BCL11A: variants seen among roughly 807,000 people sequenced by gnomAD.
BCL11A encodes the protein B cell CLL/lymphoma 11A.
A neutral mutation model predicts 55.9 loss-of-function variants in BCL11A; 2 were observed. The observed-to-expected ratio is 0.04, with a 90% CI of 0.01 to 0.11. The LOEUF is 0.11. BCL11A is among the 10% of genes least tolerant of loss of function. The probability of loss-of-function intolerance (pLI) is 1.00; values close to 1 mark genes in which losing one functional copy is unlikely to be tolerated. For missense variants in BCL11A, 817 were observed against 1,137.1 expected, an observed-to-expected ratio of 0.72 and a Z score of 4.05; for synonymous variants, 465 against 473.4, an observed-to-expected ratio of 0.98 and a Z score of 0.23.
intron 2 of BCL11A, among the ~76,000 whole-genome samples, chr2:60,480,745 C>T (rs781597340): frequency 9.9e-5 from 15 of 152,132 alleles, no homozygotes; most frequent in Non-Finnish European, 2.1e-4. Context: ...TGTCAAATTT[C>T]CTTAAGTCTT....
At chr2:60,478,451 C>T (rs772237995) in intron 2 of BCL11A, among the ~76,000 whole-genome samples, 3 of 152,218 alleles carry the variant, frequency 2.0e-5, no homozygotes, top group Non-Finnish European at 4.4e-5. Context: ...TCCTCACTTG[C>T]CTTTCTGGCA....
rs1026899119 is a variant in BCL11A at position 60,459,934 on chromosome 2, T to TTCTCTC, written c.*464_*469dup. 1 of 1,044,014 alleles carries TTCTCTC rather than the reference T, an allele frequency of 9.6e-7. No individual in the cohort carries two copies. Among genetic ancestry groups the TTCTCTC allele is most frequent in the Admixed American group, 5.4e-5 (1 of 18,590 alleles). 64.7% of individuals were successfully genotyped at this position (1,044,014 alleles called of 1,614,324 possible). On this transcript the variant is annotated 3_prime_UTR_variant, in exon 4 of 4. Transcript: ENST00000642384. Reference sequence around the variant, plus strand: ...ACAGAATGTATGCAGCATGGTCTTTTTCTCTCTCTCTCTCTTTTTCTCTCA... The same window carrying TTCTCTC: ...ACAGAATGTATGCAGCATGGTCTTTTTCTCTCTCTCTCTCTCTCTCTTTTTCTCTCA...
At chr2:60,467,111 GTGGTGGTGGTGGTGGTGA>G (rs1265947762) in intron 3 of BCL11A, among the ~76,000 whole-genome samples, 339 of 136,290 alleles carry the variant, frequency 2.5e-3, no homozygotes, top group African/African-American at 6.7e-3. Context: ...GGTGGTGGTA[GTGGTGGTGGTGGTGGTGA>G]TGGTGGTGTT....
intron 2 of BCL11A, among the ~76,000 whole-genome samples, chr2:60,523,284 G>A (rs1190744063): frequency 6.6e-6 from 1 of 152,136 alleles, no homozygotes; most frequent in Non-Finnish European, 1.5e-5. Context: ...TGCCATCCAG[G>A]ATTCCTGCTT....
At chr2:60,525,765 C>T (rs1573058492) in intron 2 of BCL11A, 1 of 152,352 alleles carries the variant, frequency 6.6e-6, no homozygotes, top group Middle Eastern at 3.4e-3. Flanking sequence ...AGATCAGTGT[C>T]TCTCTGTTAA....
intron 2 of BCL11A, among the ~76,000 whole-genome samples, chr2:60,473,220 T>C (rs373965618): frequency 6.7e-6 from 1 of 149,860 alleles, no homozygotes; most frequent in Admixed American, 6.8e-5. Context: ...CCTAAACATA[T>C]GTTTTTAGAT....
chr2:60,513,296 G>C (rs564846482), intron 2 of BCL11A, among the ~76,000 whole-genome samples: 1 of 152,280 alleles, frequency 6.6e-6, no homozygotes, highest in Admixed American at 6.5e-5. Flanking sequence ...TGCTAAATAT[G>C]AGACAAGGAG....
At chr2:60,507,775 G>T (rs1213914432) in intron 2 of BCL11A, among the ~76,000 whole-genome samples, 1 of 152,118 alleles carries the variant, frequency 6.6e-6, no homozygotes, top group Non-Finnish European at 1.5e-5. Context: ...GGGGGCGACG[G>T]GTGCGGGGAG....
chr2:60,451,868 CAGTT>C (rs61014654), exon 5 of BCL11A: 21,318 of 229,844 alleles, frequency 0.093, 1,121 homozygotes, highest in Middle Eastern at 0.12. Context: ...ATAAGTCAGA[CAGTT>C]AGGAAAACCA....
chr2:60,509,181 A>G (rs1679830346), intron 2 of BCL11A, among the ~76,000 whole-genome samples: 1 of 152,128 alleles, frequency 6.6e-6, no homozygotes, highest in African/African-American at 2.4e-5. Flanking sequence ...ACCCCCCAAT[A>G]ATTTACTTGG....
intron 3 of BCL11A, among the ~76,000 whole-genome samples, chr2:60,467,120 G>GTAA (rs1390750847): frequency 1.5e-5 from 2 of 134,274 alleles, no homozygotes; most frequent in Non-Finnish European, 3.2e-5. Flanking sequence ...AGTGGTGGTG[G>GTAA]TGGTGGTGAT....
intron 2 of BCL11A, 123 bp from the exon 3 acceptor site, chr2:60,468,956 G>A: frequency 1.6e-6 from 1 of 629,724 alleles, no homozygotes; most frequent in Non-Finnish European, 2.8e-6. Context: ...CTTGCAGATA[G>A]TTAACAGGCC....
chr2:60,467,281 GGTAGTGATGGTGGTGGTA>G (rs1676751757), intron 3 of BCL11A, among the ~76,000 whole-genome samples: 1 of 100,644 alleles, frequency 9.9e-6, no homozygotes, highest in Non-Finnish European at 2.0e-5. Context: ...TGGTGGTGGT[GGTAGTGATGGTGGTGGTA>G]ATGGTGGTGG....
chr2:60,502,117 T>C (rs1286174648), intron 2 of BCL11A, among the ~76,000 whole-genome samples: 4 of 152,206 alleles, frequency 2.6e-5, no homozygotes, highest in Admixed American at 2.0e-4. Context: ...CTGAGAGGTT[T>C]GCATGTTGTA....
intron 2 of BCL11A, among the ~76,000 whole-genome samples, chr2:60,510,795 G>T (rs1300069180): frequency 6.6e-6 from 1 of 152,220 alleles, no homozygotes; most frequent in Non-Finnish European, 1.5e-5. Context: ...CAACCTGGGG[G>T]CACTTTAGCT....
chr2:60,495,024 A>C (rs1678864095), intron 2 of BCL11A, among the ~76,000 whole-genome samples: 1 of 152,150 alleles, frequency 6.6e-6, no homozygotes, highest in Non-Finnish European at 1.5e-5. Flanking sequence ...GACAATTATG[A>C]GGAGGGGAGA....
chr2:60,522,044 C>T (rs1669020133), intron 2 of BCL11A: 1 of 152,268 alleles, frequency 6.6e-6, no homozygotes, highest in African/African-American at 2.4e-5. Context: ...CTGAGCCAAA[C>T]CCTTGGTGAA....
chr2:60,468,793 A>G lies in BCL11A; in HGVS notation c.426T>C (p.Ser142=), dbSNP rs1157109907. Reference sequence around the variant, plus strand: ...GCGTGGGGATTAGAGCTCCATGTGCAGAACGAGGGGAGGAGAGGCCCCTCC... The same window carrying G: ...GCGTGGGGATTAGAGCTCCATGTGCGGAACGAGGGGAGGAGAGGCCCCTCC... ...LHWRGLSSPR[S]AHGALIPTPG... is the part of the protein sequence containing the mutation. Residue 142 remains serine (S), a synonymous_variant, in exon 3 of 4, where the codon TCT becomes TCC. Transcript: ENST00000642384. 2 of 1,608,490 alleles carry G rather than the reference A, an allele frequency of 1.2e-6. No individual in the cohort carries two copies. The highest frequency in any genetic ancestry group is 1.7e-6 in the Non-Finnish European group (2 of 1,178,686).
At chr2:60,549,550 G>T (rs768850998) in intron 1 of BCL11A, among the ~76,000 whole-genome samples, 11 of 152,198 alleles carry the variant, frequency 7.2e-5, no homozygotes, top group Non-Finnish European at 1.6e-4. Context: ...GGCACAAAGC[G>T]AGCAGCGTGC....
Sources: allele counts gnomAD v4.1 joint callset (sites outside exome capture counted in the v4.1 genomes callset), GRCh38; gene constraint gnomAD v4.1.1; transcripts MANE v1.5; gene names NCBI Gene and HGNC (gene_info 2026-07-23, HGNC 2026-07-21).